Variants in OLFM2 observed in about 807,000 individuals in gnomAD.
The protein encoded by OLFM2 is olfactomedin 2, also known as noelin-2.
A neutral mutation model predicts 43.9 loss-of-function variants in OLFM2; 20 were observed. The observed-to-expected ratio is 0.46, with a 90% CI of 0.32 to 0.66. The LOEUF (loss-of-function observed/expected upper bound fraction) is 0.66. Among genes scored for constraint, OLFM2 ranks in the 30% least tolerant of loss-of-function variants. The pLI is 0.04. For missense variants in OLFM2, 416 were observed against 643.6 expected, an observed-to-expected ratio of 0.65 and a Z score of 3.83; for synonymous variants, 268 against 278.6, an observed-to-expected ratio of 0.96 and a Z score of 0.38.
intron 1 of OLFM2, among the ~76,000 whole-genome samples, chr19:9,909,863 A>T (rs2046814704): frequency 6.6e-6 from 1 of 152,106 alleles, no homozygotes; most frequent in Non-Finnish European, 1.5e-5. Context: ...TCCTTACTAA[A>T]CACTACTATG....
intron 1 of OLFM2, among the ~76,000 whole-genome samples, chr19:9,875,529 G>C (rs373685947): frequency 7.6e-5 from 4 of 52,676 alleles, no homozygotes; most frequent in Non-Finnish European, 2.0e-4. Context: ...TTTTTTTTTT[G>C]AGACAGGCTG....
At chr19:9,913,709 C>T (rs2046849212) in intron 1 of OLFM2, 2 of 1,030,424 alleles carry the variant, frequency 1.9e-6, no homozygotes, top group South Asian at 7.7e-5. Flanking sequence ...CCAGGCGCCC[C>T]GGGGGGGCGT....
rs150125591 is a variant in OLFM2 at position 9,923,637 on chromosome 19, G to C, written c.63+12667C>G. On this transcript the variant is annotated intron_variant, in intron 1 of 5. Transcript: ENST00000264833. ...GGAAAGAGAGAGAGAGAGAAGGAAA[G>C]AAAAGGAAAGGAAAGGAAAAGAAAA... Among the ~76,000 whole-genome samples, 349 of 144,756 alleles carry C rather than the reference G, an allele frequency of 2.4e-3. 2 individuals carry two copies. Among genetic ancestry groups the C allele is most frequent in the African/African-American group, 8.5e-3 (338 of 39,580 alleles). 95.0% of individuals were successfully genotyped at this position (144,756 alleles called of 152,430 possible).
At chr19:9,909,042 G>A (rs941861972) in intron 1 of OLFM2, among the ~76,000 whole-genome samples, 1 of 152,034 alleles carries the variant, frequency 6.6e-6, no homozygotes, top group African/African-American at 2.4e-5. Flanking sequence ...ATCTTGCTAT[G>A]TCGCCCAGGC....
rs1360670553 is a variant in OLFM2 at position 9,855,379 on chromosome 19, T to C, written c.688-516A>G. ...CCTCAGCCTCCTGAGTAGCTGGGATTACAGGCGCATCCCACCACACCCGGC... is the reference window on the plus strand; with the variant it reads ...CCTCAGCCTCCTGAGTAGCTGGGATCACAGGCGCATCCCACCACACCCGGC... On this transcript the variant is annotated intron_variant, in intron 5 of 5. Coordinates refer to ENST00000264833, the MANE Select transcript of OLFM2 (RefSeq NM_058164.4). Among the ~76,000 whole-genome samples the C allele has an allele frequency of 4.6e-5, 7 of 151,980 alleles. No homozygotes were observed. In the East Asian group the frequency reaches 1.2e-3, roughly 25 times the overall value.
At chr19:9,903,569 A>C (rs1249413480) in intron 1 of OLFM2, among the ~76,000 whole-genome samples, 1 of 152,156 alleles carries the variant, frequency 6.6e-6, no homozygotes, top group Non-Finnish European at 1.5e-5. Context: ...CTGCCATCTT[A>C]GGTCTCCCCA....
At chr19:9,921,386 T>C (rs970015135) in intron 1 of OLFM2, among the ~76,000 whole-genome samples, 5 of 152,120 alleles carry the variant, frequency 3.3e-5, no homozygotes, top group African/African-American at 1.2e-4. Context: ...TTCAAAACAC[T>C]GGGAAGACAG....
At chr19:9,904,230 G>A (rs548707121) in intron 1 of OLFM2, among the ~76,000 whole-genome samples, 14 of 145,368 alleles carry the variant, frequency 9.6e-5, no homozygotes, top group South Asian at 2.3e-4. Flanking sequence ...TCACTCTGTC[G>A]CCCAGGCTGG....
intron 1 of OLFM2, among the ~76,000 whole-genome samples, 200 bp from the exon 2 acceptor site, chr19:9,860,994 TAAGG>T (rs2046362275): frequency 6.6e-6 from 1 of 152,134 alleles, no homozygotes; most frequent in African/African-American, 2.4e-5. Flanking sequence ...GCGGAGGGCT[TAAGG>T]AACACGGCAA....
intron 1 of OLFM2, among the ~76,000 whole-genome samples, chr19:9,866,129 A>C (rs995710412): frequency 2.0e-5 from 3 of 152,198 alleles, no homozygotes; most frequent in African/African-American, 7.2e-5. Context: ...GACGCATCTC[A>C]CCGGAGTGTT....
intron 1 of OLFM2, among the ~76,000 whole-genome samples, chr19:9,897,458 A>G (rs772713921): frequency 9.2e-5 from 14 of 152,096 alleles, no homozygotes; most frequent in Non-Finnish European, 1.5e-4. Context: ...GGATCGCGCC[A>G]CTGCACTCCA....
At chr19:9,863,560 A>T (rs2046379648) in intron 1 of OLFM2, among the ~76,000 whole-genome samples, 1 of 151,910 alleles carries the variant, frequency 6.6e-6, no homozygotes, top group Non-Finnish European at 1.5e-5. Flanking sequence ...GATTAAAAAA[A>T]CCCCAGTGTT....
At chr19:9,867,074 A>G (rs2046407436) in intron 1 of OLFM2, among the ~76,000 whole-genome samples, 2 of 152,112 alleles carry the variant, frequency 1.3e-5, no homozygotes, top group Admixed American at 1.3e-4. Flanking sequence ...TCTTGGTTCA[A>G]AAACAATTCC....
At chr19:9,906,761 C>T (rs1043878241) in intron 1 of OLFM2, among the ~76,000 whole-genome samples, 5 of 152,146 alleles carry the variant, frequency 3.3e-5, no homozygotes, top group Admixed American at 1.3e-4. Flanking sequence ...CCTTTTCCCG[C>T]CTGGCTTGGC....
chr19:9,923,969 G>A (rs1404003443), intron 1 of OLFM2, among the ~76,000 whole-genome samples: 1 of 151,584 alleles, frequency 6.6e-6, no homozygotes, highest in East Asian at 1.9e-4. Context: ...GCTTGGTGGT[G>A]TGTGCCTGTA....
intron 1 of OLFM2, among the ~76,000 whole-genome samples, chr19:9,899,354 TTC>T (rs2046711584): frequency 6.6e-6 from 1 of 151,590 alleles, no homozygotes; most frequent in Non-Finnish European, 1.5e-5. Flanking sequence ...TACAACTCCA[TTC>T]TCTCTCCCTC....
At chr19:9,868,672 G>A (rs2046420731) in intron 1 of OLFM2, among the ~76,000 whole-genome samples, 1 of 152,132 alleles carries the variant, frequency 6.6e-6, no homozygotes, top group African/African-American at 2.4e-5. Flanking sequence ...CGGGTGCAGT[G>A]GCTCACGCTT....
intron 1 of OLFM2, among the ~76,000 whole-genome samples, chr19:9,885,264 C>T (rs1159702585): frequency 6.6e-6 from 1 of 152,206 alleles, no homozygotes; most frequent in East Asian, 1.9e-4. Flanking sequence ...AGGCAGAGGG[C>T]TGAGTCTCCG....
At chr19:9,866,944 C>T (rs1329718561) in intron 1 of OLFM2, among the ~76,000 whole-genome samples, 1 of 152,128 alleles carries the variant, frequency 6.6e-6, no homozygotes, top group Non-Finnish European at 1.5e-5. Flanking sequence ...GCTGAGGCTG[C>T]CCTAATTAAA....
Sources: gnomAD v4.1 joint callset for allele counts (sites outside exome capture counted in the v4.1 genomes callset) on GRCh38, gnomAD v4.1.1 for gene constraint, MANE v1.5 for transcripts, NCBI Gene and HGNC (gene_info 2026-07-23, HGNC 2026-07-21) for gene names.